Variants in INPPL1 observed in about 807,000 individuals in gnomAD.
INPPL1 encodes phosphatidylinositol 3,4,5-trisphosphate 5-phosphatase 2.
INPPL1 carries 91 observed loss-of-function variants against 139.3 expected under a neutral mutation model. The ratio of observed to expected loss-of-function variants is 0.65; its 90% CI spans 0.55 to 0.78. The LOEUF is 0.78. Among genes scored for constraint, INPPL1 ranks in the 30% least tolerant of loss-of-function variants. The pLI is 0.00. For synonymous variants in INPPL1, 719 were observed against 686.6 expected (o/e 1.05, Z -0.74); for missense variants, 1,411 against 1,665.6 (o/e 0.85, Z 2.66).
chr11:72,230,390 C>A lies in INPPL1; in HGVS notation c.1119C>A (p.Val373=). The change falls in exon 10 of 28, where the codon GTC becomes GTA. Residue 373 remains valine (V), a synonymous_variant. Transcript: ENST00000298229. ...GCCAGCTCATTAAGTCCCAGCGTGTCCAGAACAAGCTGGGTGTTGTGTTTG... is the reference window on the plus strand; with the variant it reads ...GCCAGCTCATTAAGTCCCAGCGTGTACAGAACAAGCTGGGTGTTGTGTTTG... ...RIRQLIKSQR[V]QNKLGVVFEK... The A allele has an allele frequency of 6.2e-7, 1 of 1,614,132 alleles. No individual in the cohort carries two copies. The highest frequency in any genetic ancestry group is 2.2e-5 in the East Asian group (1 of 44,880).
Position 72,224,957 on chromosome 11 carries a change from GC to G in INPPL1, c.-27del. The stretch of plus-strand genomic sequence containing the variant: ...GGGCGGATGGCGCGGGGCGGCGGGG[GC>G]GGGCGGTGCTGAGCCCTGCGCGGGC... On this transcript the variant is annotated 5_prime_UTR_variant, in exon 1 of 28. It removes the in-frame stop codon of an upstream open reading frame in the 5' UTR. Coordinates refer to ENST00000298229, the MANE Select transcript of INPPL1 (RefSeq NM_001567.4). 1 of 1,085,724 alleles carries G rather than the reference GC, an allele frequency of 9.2e-7. No homozygotes were observed. The highest frequency in any genetic ancestry group is 1.1e-6 in the Non-Finnish European group (1 of 895,762). The allele number at this position is 1,085,724 out of a possible 1,614,324, so 67.3% of individuals were successfully genotyped here. A position where few individuals can be genotyped will look rare whatever the true frequency, so the allele number is the denominator to read the frequency against.
rs1948883360 is a variant in INPPL1 at position 72,233,132 on chromosome 11, C to T, written c.2009C>T (p.Thr670Ile). Residue 670 changes from threonine (T) to isoleucine (I), a missense_variant, in exon 17 of 28, where the codon ACA becomes ATA. Coordinates refer to ENST00000298229, the MANE Select transcript of INPPL1 (RefSeq NM_001567.4). ...TYRYERGSRD[T>I]YAWHKQKPTG... ...CGCTATGAGCGGGGTTCCCGGGACA[C>T]ATATGCCTGGCACAAGCAGAAGCCA... 3 of 1,614,050 alleles carry T rather than the reference C, an allele frequency of 1.9e-6. No individual in the cohort carries two copies. Among genetic ancestry groups the T allele is most frequent in the African/African-American group, 2.7e-5 (2 of 75,028 alleles).
chr11:72,234,884 C>T lies in INPPL1; in HGVS notation c.2416-232C>T, dbSNP rs542235198. 1.2e-4 allele frequency among the ~76,000 whole-genome samples: 18 copies of T among 152,080 alleles called. No individual in the cohort carries two copies. The highest frequency in any genetic ancestry group is 4.1e-4 in the African/African-American group (17 of 41,444). ...TTGAGCTTTTGCTAGATGTCAGGTC[C>T]TGTGTTAGCTATTGAGAAAATTAAT... On this transcript the variant is annotated intron_variant, in intron 21 of 27. Transcript: ENST00000298229. This position sits in a 1 kb window ranked among gnomAD's most constrained non-coding sequence, Gnocchi z 4.2.
At position 72,237,557 on chromosome 11, in the gene INPPL1, C is replaced by T. The variant is rs1441314714; in HGVS notation, c.3313C>T (p.Pro1105Ser). 1 of 1,598,778 alleles carries T rather than the reference C, an allele frequency of 6.3e-7. No homozygotes were observed. Among genetic ancestry groups the T allele is most frequent in the Non-Finnish European group, 8.5e-7 (1 of 1,170,162 alleles). The change falls in exon 26 of 28, where the codon CCA becomes TCA. Residue 1105 changes from proline (P) to serine (S), a missense_variant. Pro to Ser is a moderately conservative substitution (Grantham distance 74, BLOSUM62 -1). Coordinates refer to ENST00000298229, the MANE Select transcript of INPPL1 (RefSeq NM_001567.4). ...GCCTCCACTGCCCCCAGGCCCCTCA[C>T]CAGCCAGCACTTTCCTGGGGGAAGT... ...PRPPLPPGPS[P>S]ASTFLGEVAS... is the part of the protein sequence containing the mutation.
chr11:72,229,653 C>G lies in INPPL1; in HGVS notation c.754-10C>G, dbSNP rs1433173859. 1 of 1,613,804 alleles carries G rather than the reference C, an allele frequency of 6.2e-7. No individual in the cohort carries two copies. The highest frequency in any genetic ancestry group is 8.5e-7 in the Non-Finnish European group (1 of 1,179,796). ...GACTCATGTACAAGCCTGGTTCTTCCTCCCCCCAGAACCTGCCACAGACAG... is the reference window on the plus strand; with the variant it reads ...GACTCATGTACAAGCCTGGTTCTTCGTCCCCCCAGAACCTGCCACAGACAG... On this transcript the variant is annotated splice_polypyrimidine_tract_variant and intron_variant, in intron 6 of 27. Coordinates refer to ENST00000298229, the MANE Select transcript of INPPL1 (RefSeq NM_001567.4).
In INPPL1 at chr11:72,234,213, G is replaced by A; in HGVS notation, c.2213-68G>A. The A allele has an allele frequency of 7.9e-7, 1 of 1,265,390 alleles. No homozygotes were observed. Among genetic ancestry groups the A allele is most frequent in the South Asian group, 1.2e-5 (1 of 82,638 alleles). 78.4% of individuals were successfully genotyped at this position (1,265,390 alleles called of 1,614,324 possible). A position where few individuals can be genotyped will look rare whatever the true frequency, so the allele number is the denominator to read the frequency against. On this transcript the variant is annotated intron_variant, in intron 19 of 27. Coordinates refer to ENST00000298229, the MANE Select transcript of INPPL1 (RefSeq NM_001567.4). This position sits in a 1 kb window ranked among gnomAD's most constrained non-coding sequence, Gnocchi z 4.2. ...CCCTGATTTCCTGTCCCAGGGCCCT[G>A]TTTCTCTGTCCCATTCCTCCTGTGA... is the stretch of plus-strand genomic sequence containing the variant.
chr11:72,234,564 T>C lies in INPPL1; in HGVS notation c.2364T>C (p.Ser788=). 1.2e-6 allele frequency: 2 copies of C among 1,612,586 alleles called. No homozygotes were observed. Among genetic ancestry groups the C allele is most frequent in the Non-Finnish European group, 1.7e-6 (2 of 1,179,270 alleles). ...KKSFENDAQS[S]DNINFLKVQW... Reference sequence around the variant, plus strand: ...GCTTTGAGAATGATGCCCAGAGCAGTGACAACATCAACTTCCTCAAAGTGC... The same window carrying C: ...GCTTTGAGAATGATGCCCAGAGCAGCGACAACATCAACTTCCTCAAAGTGC... The change falls in exon 21 of 28, where the codon AGT becomes AGC. Residue 788 remains serine (S), a synonymous_variant. Coordinates refer to ENST00000298229, the MANE Select transcript of INPPL1 (RefSeq NM_001567.4). This position sits in a 1 kb window ranked among gnomAD's most constrained non-coding sequence, Gnocchi z 4.2.
In INPPL1 at chr11:72,229,460, C is replaced by T. The variant is rs1948768624; in HGVS notation, c.660-5C>T. 1.2e-6 allele frequency: 2 copies of T among 1,613,772 alleles called. No individual in the cohort carries two copies. The highest frequency in any genetic ancestry group is 4.5e-5 in the East Asian group (2 of 44,880). On this transcript the variant is annotated splice_polypyrimidine_tract_variant and splice_region_variant and intron_variant, in intron 5 of 27. Transcript: ENST00000298229. ...GGAGTTCTTTTGATCTGATGTCTTC[C>T]CTAGTGAGGTGGACAAGGTCCTGTC... is the stretch of plus-strand genomic sequence containing the variant.
upstream of INPPL1, chr11:72,223,977 G>C (rs910444634): frequency 6.6e-6 from 1 of 152,654 alleles, no homozygotes; most frequent in Non-Finnish European, 1.5e-5. Context: ...GTCTGCGTGC[G>C]GCGGCCGGGA....
chr11:72,232,468 T>G, intron 14 of INPPL1, 132 bp downstream of exon 14: 1 of 1,204,122 alleles, frequency 8.3e-7, no homozygotes, highest in South Asian at 1.4e-5. Flanking sequence ...CTTATCCCAA[T>G]TCAAGACCCT....
In INPPL1 at chr11:72,234,255, G is replaced by C; in HGVS notation, c.2213-26G>C. ...CTCCTGTGATCCTCTCAGTCCTCCT[G>C]TTTGTTCTCCTCCCTTTCTCCTCAG... is the stretch of plus-strand genomic sequence containing the variant. On this transcript the variant is annotated intron_variant, in intron 19 of 27. Transcript: ENST00000298229. This position sits in a 1 kb window ranked among gnomAD's most constrained non-coding sequence, Gnocchi z 4.2. The C allele has an allele frequency of 6.5e-7, 1 of 1,538,842 alleles. No individual in the cohort carries two copies. Among genetic ancestry groups the C allele is most frequent in the South Asian group, 1.1e-5 (1 of 89,428 alleles).
At position 72,229,222 on chromosome 11, in the gene INPPL1, G is replaced by A; in HGVS notation, c.651G>A (p.Arg217=). Residue 217 remains arginine, a synonymous_variant, in exon 5 of 28, where the codon AGG becomes AGA. Transcript: ENST00000298229. The part of the protein sequence containing the change: ...LTRTLATSCR[R]LHSEVDKVLS... ...GTACCCTCGCTACCTCATGCCGGAG[G>A]CTGCACAGGTATCTGGGACATCCAG... The A allele has an allele frequency of 6.2e-7, 1 of 1,608,708 alleles. No individual in the cohort carries two copies. Among genetic ancestry groups the A allele is most frequent in the Non-Finnish European group, 8.5e-7 (1 of 1,177,084 alleles).
chr11:72,225,815 G>C (rs140463227), intron 1 of INPPL1, among the ~76,000 whole-genome samples: 320 of 152,346 alleles, frequency 2.1e-3, no homozygotes, highest in Middle Eastern at 0.01. Flanking sequence ...TGAGCTATGA[G>C]TGCTGAGTGA....
In INPPL1 at chr11:72,238,293, T is replaced by G; in HGVS notation, c.3717T>G (p.Ala1239=). The change falls in exon 28 of 28, where the codon GCT becomes GCG. Residue 1239 remains alanine (A), a synonymous_variant. Transcript: ENST00000298229. ...TCACCGAGGAGGACTTGGAGGAGGC[T>G]GGGGTGCAGGACCCGGCTCACAAGC... ...SDITEEDLEE[A]GVQDPAHKRL... 6.2e-7 allele frequency: 1 copy of G among 1,608,190 alleles called. No homozygotes were observed. The highest frequency in any genetic ancestry group is 8.5e-7 in the Non-Finnish European group (1 of 1,177,224).
Position 72,232,735 on chromosome 11 carries a change from C to G in INPPL1, c.1822C>G (p.Leu608Val). ...CACACACCTCTTCTGGTTTGGGGACCTCAACTACCGCCTGGACATGGATAT... is the reference window on the plus strand; with the variant it reads ...CACACACCTCTTCTGGTTTGGGGACGTCAACTACCGCCTGGACATGGATAT... ...RFTHLFWFGD[L>V]NYRLDMDIQE... is the part of the protein sequence containing the mutation. The change falls in exon 15 of 28, where the codon CTC becomes GTC. Residue 608 changes from leucine (L) to valine (V), a missense_variant. Physicochemically the swap from Leu to Val is conservative, Grantham distance 32 (BLOSUM62 1). Coordinates refer to ENST00000298229, the MANE Select transcript of INPPL1 (RefSeq NM_001567.4). The G allele has an allele frequency of 6.2e-7, 1 of 1,614,034 alleles. No individual in the cohort carries two copies. The highest frequency in any genetic ancestry group is 8.5e-7 in the Non-Finnish European group (1 of 1,180,016).
rs199816812 is a variant in INPPL1 at position 72,233,035 on chromosome 11, G to T, written c.1952-40G>T. 14 of 1,607,246 alleles carry T rather than the reference G, an allele frequency of 8.7e-6. No individual in the cohort carries two copies. The African/African-American group carries it at 1.7e-4, about 20-fold the overall frequency. The stretch of plus-strand genomic sequence containing the variant: ...TAGGAGACTTGCAGTATCCCTGGGT[G>T]TCAGGGCCCTGAACCCCACCTGTCT... On this transcript the variant is annotated intron_variant, in intron 16 of 27. Coordinates refer to ENST00000298229, the MANE Select transcript of INPPL1 (RefSeq NM_001567.4).
chr11:72,232,448 C>G, intron 14 of INPPL1, 112 bp downstream of exon 14: 1 of 1,215,690 alleles, frequency 8.2e-7, no homozygotes. Flanking sequence ...CTCCAGAGAC[C>G]CCCTGCTCTC....
chr11:72,229,350 T>A, intron 5 of INPPL1, 115 bp from the exon 6 acceptor site: 1 of 1,415,534 alleles, frequency 7.1e-7, no homozygotes, highest in East Asian at 2.3e-5. Flanking sequence ...CATTGCCTCT[T>A]GACTTTCCTC....
chr11:72,226,084 C>T (rs1399859878), intron 1 of INPPL1, among the ~76,000 whole-genome samples: 1 of 152,066 alleles, frequency 6.6e-6, no homozygotes, highest in Non-Finnish European at 1.5e-5. Context: ...CTGTGAACCC[C>T]CTCCCAAACT....
Sources: gnomAD v4.1 joint callset for allele counts (sites outside exome capture counted in the v4.1 genomes callset) on GRCh38, gnomAD v4.1.1 for gene constraint, Gnocchi (gnomAD v3.1) non-coding constraint, MANE v1.5 for transcripts, NCBI Gene and HGNC (gene_info 2026-07-23, HGNC 2026-07-21) for gene names.